PRKN: variants seen among roughly 807,000 people sequenced by gnomAD.
PRKN encodes parkin RBR E3 ubiquitin protein ligase, also known as E3 ubiquitin-protein ligase parkin.
Under a neutral mutation model 59.5 loss-of-function variants are expected in PRKN, and 56 were observed. The ratio of observed to expected loss-of-function variants is 0.94; its 90% confidence interval spans 0.76 to 1.18. PRKN has a LOEUF of 1.18. Ranked by LOEUF, PRKN falls within the 50% of genes most tolerant of loss-of-function variation. The pLI is 0.00. For missense variants in PRKN, 657 were observed against 596.4 expected (o/e 1.10, Z -1.06); for synonymous variants, 250 against 222.1 (o/e 1.13, Z -1.12).
At chr6:162,682,126 C>CA (rs151077667) in intron 1 of PRKN, among the ~76,000 whole-genome samples, 99 of 152,096 alleles carry the variant, frequency 6.5e-4, no homozygotes, top group African/African-American at 2.3e-3. Context: ...CAGAGATTTT[C>CA]AAAAACAATC....
chr6:161,496,039 G>A (rs1056884232), intron 9 of PRKN, among the ~76,000 whole-genome samples: 2 of 152,210 alleles, frequency 1.3e-5, no homozygotes, highest in Non-Finnish European at 2.9e-5. Context: ...CTGGGCACTT[G>A]GCACAGTGCT....
chr6:162,503,970 A>T (rs1422191701), intron 1 of PRKN, among the ~76,000 whole-genome samples: 1 of 152,212 alleles, frequency 6.6e-6, no homozygotes, highest in Admixed American at 6.5e-5. Flanking sequence ...ATTTTTTAAG[A>T]AGCAGAGAAG....
rs73600930 is a variant in PRKN at position 161,355,622 on chromosome 6, T to C, written c.1285+4466A>G. 0.012 allele frequency among the ~76,000 whole-genome samples: 1,851 copies of C among 152,200 alleles called. 45 individuals carry two copies. The highest frequency in any genetic ancestry group is 0.042 in the African/African-American group (1,756 of 41,514). ...GGTTTCACCATGTTAGTCAGGCTGG[T>C]CCTGAATTCTTGAACTCAAGCGATC... On this transcript the variant is annotated intron_variant, in intron 11 of 11. Transcript: ENST00000366898. This position sits in a 1 kb window ranked among gnomAD's most constrained non-coding sequence, Gnocchi z 6.8.
At position 162,349,009 on chromosome 6, in the gene PRKN, A is replaced by AAC. The variant is rs540193046; in HGVS notation, c.172-86245_172-86244insGT. Among the ~76,000 whole-genome samples the AAC allele has an allele frequency of 5.2e-3, 795 of 152,318 alleles. 3 individuals are homozygous for AAC. Among genetic ancestry groups the AAC allele is most frequent in the Middle Eastern group, 0.017 (5 of 294 alleles). On this transcript the variant is annotated intron_variant, in intron 2 of 11. Coordinates refer to ENST00000366898, the MANE Select transcript of PRKN (RefSeq NM_004562.3). ...ACCAGTAAATTTGACTACTTGGATG[A>AAC]AATGGACAAATTCTTTGAAAGACAT...
rs931904997 is a variant in PRKN, at chr6:161,986,781, G to A, written c.619-13364C>T. The stretch of plus-strand genomic sequence containing the variant: ...CCCACTCCCTGGACCAAGTGAGAGC[G>A]GAACAGCCAGACCTGAGAAATGCAG... On this transcript the variant is annotated intron_variant, in intron 5 of 11. Transcript: ENST00000366898. Among the ~76,000 whole-genome samples the A allele has an allele frequency of 4.6e-5, 5 of 109,214 alleles. No individual in the cohort carries two copies. In the South Asian group the frequency reaches 1.2e-3, roughly 26 times the overall value. The allele number at this position is 109,214 out of a possible 152,430, so 71.6% of individuals were successfully genotyped here. A position where few individuals can be genotyped will look rare whatever the true frequency, so the allele number is the denominator to read the frequency against.
chr6:162,662,734 G>C (rs942074703), intron 1 of PRKN, among the ~76,000 whole-genome samples: 4 of 152,006 alleles, frequency 2.6e-5, no homozygotes, highest in African/African-American at 9.7e-5. Context: ...ATTGCTTATA[G>C]GTATGTGGCT....
chr6:162,178,132 G>A (rs1783625284), intron 4 of PRKN, among the ~76,000 whole-genome samples: 1 of 152,184 alleles, frequency 6.6e-6, no homozygotes, highest in Non-Finnish European at 1.5e-5. Flanking sequence ...GAAGCCACTA[G>A]GTAGGACTTT....
chr6:161,719,783 T>C (rs893888688), intron 7 of PRKN, among the ~76,000 whole-genome samples: 5 of 152,174 alleles, frequency 3.3e-5, no homozygotes, highest in East Asian at 1.9e-4. Flanking sequence ...TGCACCACCA[T>C]GTATGGCTAT....
intron 7 of PRKN, among the ~76,000 whole-genome samples, chr6:161,612,864 C>G (rs536172995): frequency 1.3e-5 from 2 of 152,054 alleles, no homozygotes; most frequent in Non-Finnish European, 2.9e-5. Flanking sequence ...AGACCTACTG[C>G]TCAGAAAGAA....
intron 9 of PRKN, among the ~76,000 whole-genome samples, chr6:161,455,414 A>T (rs1049572062): frequency 1.3e-5 from 2 of 152,196 alleles, no homozygotes; most frequent in Admixed American, 1.3e-4. Context: ...TGCATGAATG[A>T]CTTGCTATTT....
intron 7 of PRKN, among the ~76,000 whole-genome samples, chr6:161,636,920 C>A (rs1783545053): frequency 6.6e-6 from 1 of 152,182 alleles, no homozygotes; most frequent in Non-Finnish European, 1.5e-5. Context: ...GCGCTCAGGT[C>A]TGTTCATGTT....
chr6:161,390,475 AAAG>A lies in PRKN; in HGVS notation c.1084-3601_1084-3599del. Among the ~76,000 whole-genome samples the A allele has an allele frequency of 6.6e-6, 1 of 152,292 alleles. No individual in the cohort carries two copies. Among genetic ancestry groups the A allele is most frequent in the East Asian group, 1.9e-4 (1 of 5,188 alleles). ...TACCATGTAAACATCCATTTGGAAC[AAAG>A]ATGTGATTTATTTATTTATTTATTT... On this transcript the variant is annotated intron_variant, in intron 9 of 11. Coordinates refer to ENST00000366898, the MANE Select transcript of PRKN (RefSeq NM_004562.3). The surrounding 1 kb of genome is among the most constrained non-coding windows in gnomAD (Gnocchi z 7.0).
At chr6:162,555,063 A>G (rs1779503384) in intron 1 of PRKN, among the ~76,000 whole-genome samples, 1 of 152,202 alleles carries the variant, frequency 6.6e-6, no homozygotes, top group Admixed American at 6.5e-5. Context: ...AAAACCAAGT[A>G]GGAAGGGCCC....
intron 1 of PRKN, among the ~76,000 whole-genome samples, chr6:162,674,565 T>C (rs1051802544): frequency 1.3e-5 from 2 of 152,180 alleles, no homozygotes; most frequent in African/African-American, 2.4e-5. Context: ...CACTGTGTGA[T>C]AGGATGCTCG....
rs1785742940 is a variant in PRKN at position 161,377,109 on chromosome 6, A to G, written c.1167+9685T>C. ...TTCCAGGTGTCTGTGGAGGGAAAAG[A>G]GGTCACGTGGGGCTACCTGCGGGCC... is the stretch of plus-strand genomic sequence containing the variant. On this transcript the variant is annotated intron_variant, in intron 10 of 11. Coordinates refer to ENST00000366898, the MANE Select transcript of PRKN (RefSeq NM_004562.3). This position sits in a 1 kb window ranked among gnomAD's most constrained non-coding sequence, Gnocchi z 4.2. Among the ~76,000 whole-genome samples, 1 of 152,178 alleles carries G rather than the reference A, an allele frequency of 6.6e-6. No homozygotes were observed. Among genetic ancestry groups the G allele is most frequent in the African/African-American group, 2.4e-5 (1 of 41,448 alleles).
At chr6:162,077,262 T>C (rs1778866306) in intron 4 of PRKN, among the ~76,000 whole-genome samples, 1 of 152,116 alleles carries the variant, frequency 6.6e-6, no homozygotes, top group Non-Finnish European at 1.5e-5. Flanking sequence ...GTTGTCCATG[T>C]TTACAGCCTC....
At chr6:162,336,598 G>C (rs762830522) in intron 2 of PRKN, among the ~76,000 whole-genome samples, 2 of 152,188 alleles carry the variant, frequency 1.3e-5, no homozygotes, top group Admixed American at 1.3e-4. Flanking sequence ...ACACGATTTC[G>C]ATTGATGATT....
At chr6:161,731,230 A>G (rs1435460664) in intron 7 of PRKN, among the ~76,000 whole-genome samples, 2 of 152,266 alleles carry the variant, frequency 1.3e-5, no homozygotes, top group African/African-American at 4.8e-5. Flanking sequence ...TTACAGGAAT[A>G]AGGCACAAAC....
Position 162,461,499 on chromosome 6 carries a change from C to CAAAAAA in PRKN, c.8-18032_8-18027dup, listed in dbSNP as rs780424226. 3.3e-3 allele frequency among the ~76,000 whole-genome samples: 121 copies of CAAAAAA among 36,522 alleles called. 3 individuals carry two copies. The highest frequency in any genetic ancestry group is 4.6e-3 in the Admixed American group (8 of 1,758). The allele number at this position is 36,522 out of a possible 152,430, so 24.0% of individuals were successfully genotyped here. A position where few individuals can be genotyped will look rare whatever the true frequency, so the allele number is the denominator to read the frequency against. ...CCTGGAGGACAGAGTTAAAGTGTCT[C>CAAAAAA]AAAAAAAAAAAAAAAAAAAAAAAAA... On this transcript the variant is annotated intron_variant, in intron 1 of 11. Coordinates refer to ENST00000366898, the MANE Select transcript of PRKN (RefSeq NM_004562.3).
Sources: allele counts gnomAD v4.1 joint callset (sites outside exome capture counted in the v4.1 genomes callset), GRCh38; gene constraint gnomAD v4.1.1; non-coding constraint Gnocchi (gnomAD v3.1); transcripts MANE v1.5; gene names NCBI Gene and HGNC (gene_info 2026-07-23, HGNC 2026-07-21).